LAMC1: variants seen among roughly 807,000 people sequenced by gnomAD.
The protein encoded by LAMC1 is laminin subunit gamma 1.
A neutral mutation model predicts 173.6 loss-of-function variants in LAMC1; 38 were observed. The observed-to-expected ratio is 0.22, with a 90% CI of 0.17 to 0.29. The LOEUF (loss-of-function observed/expected upper bound fraction) is 0.29. LAMC1 is among the 10% of genes least tolerant of loss of function. LAMC1 has a pLI of 1.00. For missense variants in LAMC1, 1,824 were observed against 2,051.8 expected (o/e 0.89, Z 2.14); for synonymous variants, 746 against 749.1 (o/e 1.00, Z 0.07).
chr1:183,127,953 G>A (rs1010776348), intron 17 of LAMC1, among the ~76,000 whole-genome samples: 1 of 152,182 alleles, frequency 6.6e-6, no homozygotes, highest in Admixed American at 6.5e-5. Context: ...TTTAAGAGGA[G>A]CACTCTTGAC....
At chr1:183,131,407 A>T in intron 20 of LAMC1, 29 bp downstream of exon 20, 1 of 1,376,842 alleles carries the variant, frequency 7.3e-7, no homozygotes. Context: ...TTTAATGGTT[A>T]AGTTGTGGCT....
rs1043894749 is a variant in LAMC1 at position 183,077,428 on chromosome 1, A to G, written c.419-25900A>G. Reference sequence around the variant, plus strand: ...TTCCAAACAAATTTTTAATTTTTCCATAGGTTATTGGGGTACAGGTGGTGT... The same window carrying G: ...TTCCAAACAAATTTTTAATTTTTCCGTAGGTTATTGGGGTACAGGTGGTGT... On this transcript the variant is annotated intron_variant, in intron 1 of 27. Transcript: ENST00000258341. 5.3e-5 allele frequency among the ~76,000 whole-genome samples: 8 copies of G among 151,946 alleles called. No homozygotes were observed. The East Asian group carries it at 5.8e-4, about 11-fold the overall frequency.
chr1:183,034,641 C>G (rs1217835439), intron 1 of LAMC1, among the ~76,000 whole-genome samples: 1 of 152,078 alleles, frequency 6.6e-6, no homozygotes, highest in Non-Finnish European at 1.5e-5. Flanking sequence ...TGAAGTCAGC[C>G]CGGAAAAGCT....
Position 183,132,402 on chromosome 1 carries a change from A to G in LAMC1, c.3569A>G (p.His1190Arg), listed in dbSNP as rs774402154. ...AEEARKLAER[H>R]KQEADDIVRV... ...TATTTTTTGTTTTATCTGTATAGTC[A>G]TAAACAGGAAGCTGATGACATTGTT... is the stretch of plus-strand genomic sequence containing the variant. The change falls in exon 21 of 28, where the codon CAT becomes CGT. Residue 1190 changes from histidine to arginine, a missense_variant and splice_region_variant. His to Arg is a conservative substitution (Grantham distance 29, BLOSUM62 0). Transcript: ENST00000258341. 7 of 1,613,562 alleles carry G rather than the reference A, an allele frequency of 4.3e-6. No individual in the cohort carries two copies. The highest frequency in any genetic ancestry group is 2.7e-5 in the African/African-American group (2 of 74,900).
At chr1:183,110,349 C>G in intron 3 of LAMC1, 139 bp from the exon 4 acceptor site, 1 of 558,030 alleles carries the variant, frequency 1.8e-6, no homozygotes, top group East Asian at 3.1e-5. Context: ...ATTCAGACAT[C>G]CATTACTTAA....
chr1:183,057,163 C>A (rs893783021), intron 1 of LAMC1, among the ~76,000 whole-genome samples: 2 of 152,200 alleles, frequency 1.3e-5, no homozygotes, highest in African/African-American at 2.4e-5. Context: ...TAAAAGGAAA[C>A]AGATTCAGAG....
chr1:183,075,745 C>A (rs1021380965), intron 1 of LAMC1, among the ~76,000 whole-genome samples: 1 of 152,194 alleles, frequency 6.6e-6, no homozygotes, highest in African/African-American at 2.4e-5. Flanking sequence ...AGGGAATTTA[C>A]ACTTTCTAGA....
At chr1:183,024,980 G>A (rs4652764) in intron 1 of LAMC1, among the ~76,000 whole-genome samples, 75,863 of 152,106 alleles carry the variant, frequency 0.5, 19,631 homozygotes, top group South Asian at 0.64. Flanking sequence ...ATAATGTTCG[G>A]TCTAGCTAAG....
rs12026314 is a variant in LAMC1, at chr1:183,135,392, T to C, written c.4114+236T>C. On this transcript the variant is annotated intron_variant, in intron 24 of 27. Coordinates refer to ENST00000258341, the MANE Select transcript of LAMC1 (RefSeq NM_002293.4). ...CAAACTCACATAACCAAGATGCCTA[T>C]TTAGAGAACTTATATAGGTAAATGG... 0.36 allele frequency among the ~76,000 whole-genome samples: 54,201 copies of C among 152,004 alleles called. 10,674 individuals carry two copies. The highest frequency in any genetic ancestry group is 0.48 in the East Asian group (2,493 of 5,152).
At chr1:183,045,345 A>G (rs1654240386) in intron 1 of LAMC1, among the ~76,000 whole-genome samples, 1 of 152,090 alleles carries the variant, frequency 6.6e-6, no homozygotes, top group African/African-American at 2.4e-5. Flanking sequence ...CACCCCAGGT[A>G]TCTACTACCA....
In LAMC1 at chr1:183,118,151, G is replaced by C; in HGVS notation, c.1990+5G>C. ...GTGGGACATACAGTGAGAGAAGTAA[G>C]TTATGATATAATTTAGGAGAGTTGT... On this transcript the variant is annotated splice_donor_5th_base_variant and intron_variant, in intron 11 of 27. Coordinates refer to ENST00000258341, the MANE Select transcript of LAMC1 (RefSeq NM_002293.4). 2.1e-6 allele frequency: 3 copies of C among 1,454,742 alleles called. No homozygotes were observed. Among genetic ancestry groups the C allele is most frequent in the Non-Finnish European group, 1.9e-6 (2 of 1,037,906 alleles). The allele number at this position is 1,454,742 out of a possible 1,614,324, so 90.1% of individuals were successfully genotyped here. A position where few individuals can be genotyped will look rare whatever the true frequency, so the allele number is the denominator to read the frequency against.
intron 14 of LAMC1, 97 bp from the exon 15 acceptor site, chr1:183,125,300 G>C: frequency 7.4e-7 from 1 of 1,345,152 alleles, no homozygotes; most frequent in Non-Finnish European, 1.1e-6. Flanking sequence ...CTACCAACCT[G>C]GCAACACAGG....
chr1:183,115,472 A>G lies in LAMC1; in HGVS notation c.1211-48A>G, dbSNP rs3736888. ...TTTCTTTAACACATTGATTTTACTT[A>G]CGTATCTGGCCGAATTTTTGTTTGA... On this transcript the variant is annotated intron_variant, in intron 5 of 27. Coordinates refer to ENST00000258341, the MANE Select transcript of LAMC1 (RefSeq NM_002293.4). 0.57 allele frequency: 671,712 copies of G among 1,185,674 alleles called. 193,650 individuals carry two copies. Among genetic ancestry groups the G allele is most frequent in the Admixed American group, 0.66 (38,815 of 58,824 alleles). 73.4% of individuals were successfully genotyped at this position (1,185,674 alleles called of 1,614,324 possible). A position where few individuals can be genotyped will look rare whatever the true frequency, so the allele number is the denominator to read the frequency against.
chr1:183,065,116 C>T (rs761828610), intron 1 of LAMC1, among the ~76,000 whole-genome samples: 5 of 151,818 alleles, frequency 3.3e-5, no homozygotes, highest in Non-Finnish European at 7.4e-5. Context: ...AACAAAATGA[C>T]ACTACTTAAG....
intron 27 of LAMC1, 113 bp from the exon 28 acceptor site, chr1:183,142,421 G>T (rs928623548): frequency 1.8e-6 from 2 of 1,101,462 alleles, no homozygotes; most frequent in African/African-American, 3.1e-5. Flanking sequence ...CATTTGCCGG[G>T]CTGCCTGTGC....
At chr1:183,090,359 A>C (rs1165609133) in intron 1 of LAMC1, among the ~76,000 whole-genome samples, 1 of 152,256 alleles carries the variant, frequency 6.6e-6, no homozygotes, top group Non-Finnish European at 1.5e-5. Context: ...GTTCAAGCAC[A>C]GCCCATGAGA....
intron 20 of LAMC1, 152 bp from the exon 21 acceptor site, chr1:183,132,248 C>T (rs147017235): frequency 3.8e-5 from 19 of 504,328 alleles, no homozygotes; most frequent in Non-Finnish European, 4.7e-5. Context: ...GCCAAGATCA[C>T]GCCACTGCAC....
intron 1 of LAMC1, among the ~76,000 whole-genome samples, chr1:183,098,852 C>A (rs1283897265): frequency 6.6e-6 from 1 of 152,172 alleles, no homozygotes; most frequent in Admixed American, 6.5e-5. Context: ...ACATGGAATC[C>A]CATTCTTGTT....
chr1:183,070,371 C>G (rs1654981023), intron 1 of LAMC1, among the ~76,000 whole-genome samples: 1 of 152,118 alleles, frequency 6.6e-6, no homozygotes, highest in Admixed American at 6.5e-5. Flanking sequence ...TGAACCTCTT[C>G]TGCTGTCCTG....
Sources: allele counts gnomAD v4.1 joint callset (sites outside exome capture counted in the v4.1 genomes callset), GRCh38; gene constraint gnomAD v4.1.1; transcripts MANE v1.5; gene names NCBI Gene and HGNC (gene_info 2026-07-23, HGNC 2026-07-21).